The following SLC35D2 variants were observed in gnomAD, a reference collection of about 807,000 sequenced individuals.
SLC35D2 encodes solute carrier family 35 member D2.
SLC35D2 carries 43 observed loss-of-function variants against 41.8 expected under a neutral mutation model. The observed-to-expected ratio is 1.03, with a 90% CI of 0.81 to 1.33. The LOEUF (loss-of-function observed/expected upper bound fraction) is 1.33. Ranked by LOEUF, SLC35D2 falls within the 40% of genes most tolerant of loss-of-function variation. The probability of loss-of-function intolerance (pLI) is 0.00; values close to 1 mark genes in which losing one functional copy is unlikely to be tolerated. For missense variants in SLC35D2, 380 were observed against 408.4 expected (o/e 0.93, Z 0.60); for synonymous variants, 150 against 163.9 (o/e 0.92, Z 0.65).
At chr9:96,345,607 T>C (rs893173375) in intron 6 of SLC35D2, among the ~76,000 whole-genome samples, 2 of 152,232 alleles carry the variant, frequency 1.3e-5, no homozygotes, top group African/African-American at 2.4e-5. Context: ...CAATCGTGAA[T>C]GGCTTAAAAC....
intron 9 of SLC35D2, among the ~76,000 whole-genome samples, chr9:96,327,997 A>G (rs1023518974): frequency 1.8e-4 from 27 of 152,126 alleles, no homozygotes; most frequent in Non-Finnish European, 5.9e-5. Flanking sequence ...GTAGCAGTAT[A>G]TTACATTTTT....
At chr9:96,333,491 A>C (rs990901122) in intron 9 of SLC35D2, among the ~76,000 whole-genome samples, 43 of 149,008 alleles carry the variant, frequency 2.9e-4, no homozygotes, top group African/African-American at 1.0e-3. Flanking sequence ...GCTACTCAGG[A>C]GGCTGAGGCA....
chr9:96,324,291 A>G (rs1163640548), intron 9 of SLC35D2, 122 bp from the exon 10 acceptor site: 6 of 681,204 alleles, frequency 8.8e-6, no homozygotes, highest in African/African-American at 1.8e-5. Context: ...AACACATATC[A>G]TAAAGGTTTT....
At chr9:96,316,899 G>A (rs577091574), downstream of SLC35D2, among the ~76,000 whole-genome samples, 4 of 152,250 alleles carry the variant, frequency 2.6e-5, no homozygotes, top group East Asian at 7.7e-4. Flanking sequence ...AGCACTTTGG[G>A]AGGCCAAGGC....
intron 4 of SLC35D2, 85 bp from the exon 5 acceptor site, chr9:96,352,194 G>A (rs1829840338): frequency 1.2e-6 from 1 of 802,132 alleles, no homozygotes; most frequent in Admixed American, 2.7e-5. Flanking sequence ...TTTTAATTAA[G>A]CTTACTAATT....
At chr9:96,329,160 AG>A (rs1428410115) in intron 9 of SLC35D2, among the ~76,000 whole-genome samples, 10 of 151,944 alleles carry the variant, frequency 6.6e-5, no homozygotes, top group Non-Finnish European at 1.5e-4. Flanking sequence ...ATAATTTGGC[AG>A]GAGACATTTA....
intron 9 of SLC35D2, among the ~76,000 whole-genome samples, chr9:96,327,371 C>A (rs1263657632): frequency 6.6e-6 from 1 of 152,108 alleles, no homozygotes; most frequent in Admixed American, 6.5e-5. Flanking sequence ...AGATGTGTGT[C>A]GTCACACCCA....
chr9:96,316,882 T>C (rs111767737), downstream of SLC35D2, among the ~76,000 whole-genome samples: 42 of 152,282 alleles, frequency 2.8e-4, no homozygotes, highest in African/African-American at 9.6e-4. Context: ...CTCACGCCTG[T>C]AATCCCAGCA....
At position 96,348,769 on chromosome 9, in the gene SLC35D2, G is replaced by A. The variant is rs73536841; in HGVS notation, c.488+2334C>T. On this transcript the variant is annotated intron_variant, in intron 6 of 11. Transcript: ENST00000253270. ...TCTTGGTTGAAAGTTAGATGCTTTAGGAACCCCGATTTACCCTTTTAGATT... is the reference window on the plus strand; with the variant it reads ...TCTTGGTTGAAAGTTAGATGCTTTAAGAACCCCGATTTACCCTTTTAGATT... Among the ~76,000 whole-genome samples the A allele has an allele frequency of 2.5e-3, 378 of 152,236 alleles. 1 individual carries two copies. Among genetic ancestry groups the A allele is most frequent in the African/African-American group, 8.5e-3 (351 of 41,536 alleles).
At position 96,360,189 on chromosome 9, in the gene SLC35D2, G is replaced by T. The variant is rs758307618; in HGVS notation, c.312C>A (p.Asn104Lys). ...TTGTGCTTGATAATCCACTTATGTG[G>T]TTTCCAACGTAGAGGAGAGGCAGAG... Reference protein sequence around the residue: ...LFPLPLLYVGNHISGLSSTSK... With the variant: ...LFPLPLLYVGKHISGLSSTSK... Residue 104 changes from asparagine (N) to lysine (K), a missense_variant, in exon 4 of 12, where the codon AAC (asparagine) becomes AAA (lysine). Coordinates refer to ENST00000253270, the MANE Select transcript of SLC35D2 (RefSeq NM_007001.3). The T allele has an allele frequency of 5.2e-5, 84 of 1,612,704 alleles. No individual in the cohort carries two copies. Among genetic ancestry groups the T allele is most frequent in the Non-Finnish European group, 6.6e-5 (78 of 1,179,284 alleles).
intron 1 of SLC35D2, among the ~76,000 whole-genome samples, chr9:96,373,470 C>T (rs1254917825): frequency 1.3e-5 from 2 of 151,942 alleles, no homozygotes; most frequent in Non-Finnish European, 2.9e-5. Context: ...AGGCGGATCA[C>T]GAGGTCAGGA....
intron 4 of SLC35D2, among the ~76,000 whole-genome samples, chr9:96,358,078 T>TATATATATATATATATATATA (rs1491320526): frequency 1.6e-4 from 13 of 79,228 alleles, no homozygotes; most frequent in African/African-American, 6.0e-4. Flanking sequence ...ATATTATATA[T>TATATATATATATATATATATA]TTTATATATA....
At chr9:96,314,445 T>C (rs1587817229) in exon 12 of SLC35D2, 1 of 152,094 alleles carries the variant, frequency 6.6e-6, no homozygotes. Context: ...TGCAGGGACA[T>C]GGATGGAGCT....
chr9:96,354,390 A>G (rs1481248700), intron 4 of SLC35D2, among the ~76,000 whole-genome samples: 1 of 152,234 alleles, frequency 6.6e-6, no homozygotes, highest in Non-Finnish European at 1.5e-5. Flanking sequence ...TAGAACCACA[A>G]TAAGTGAATC....
At chr9:96,329,209 A>G (rs1045441958) in intron 9 of SLC35D2, among the ~76,000 whole-genome samples, 1 of 151,966 alleles carries the variant, frequency 6.6e-6, no homozygotes, top group African/African-American at 2.4e-5. Context: ...ATACTTTTAT[A>G]TATATAAATA....
intron 9 of SLC35D2, among the ~76,000 whole-genome samples, chr9:96,327,894 C>G (rs796846355): frequency 2.0e-5 from 3 of 151,388 alleles, no homozygotes; most frequent in African/African-American, 7.3e-5. Context: ...AGTGCTGGGA[C>G]TATAGGAATT....
intron 2 of SLC35D2, among the ~76,000 whole-genome samples, chr9:96,365,698 A>C (rs1830447213): frequency 6.6e-6 from 1 of 152,230 alleles, no homozygotes; most frequent in Non-Finnish European, 1.5e-5. Context: ...TTTACTTTTC[A>C]ATCTAGCTGG....
intron 4 of SLC35D2, among the ~76,000 whole-genome samples, chr9:96,358,896 G>A (rs183455873): frequency 2.2e-4 from 34 of 152,066 alleles, no homozygotes; most frequent in South Asian, 6.2e-4. Context: ...CAGGAGAATC[G>A]CTTGAACCCA....
At chr9:96,323,962 G>T (rs112747805) in intron 10 of SLC35D2, 129 bp downstream of exon 10, 12 of 686,488 alleles carry the variant, frequency 1.7e-5, no homozygotes, top group African/African-American at 1.3e-4. Flanking sequence ...CACACAGGCC[G>T]AGCTGAAAAG....
Sources: gnomAD v4.1 joint callset for allele counts (sites outside exome capture counted in the v4.1 genomes callset) on GRCh38, gnomAD v4.1.1 for gene constraint, MANE v1.5 for transcripts, NCBI Gene and HGNC (gene_info 2026-07-23, HGNC 2026-07-21) for gene names.